Variants in COL11A1 observed in about 807,000 individuals in gnomAD.
The protein encoded by COL11A1 is collagen alpha-1(XI) chain.
In COL11A1, 74 loss-of-function variants were observed where a neutral mutation model predicts 265.2. The ratio of observed to expected loss-of-function variants is 0.28; its 90% CI spans 0.23 to 0.34. The LOEUF is 0.34. Ranked by LOEUF, COL11A1 falls within the 10% of genes least tolerant of loss-of-function variation. COL11A1 has a pLI of 1.00. For missense variants in COL11A1, 2,165 were observed against 2,263.6 expected (o/e 0.96, Z 0.88); for synonymous variants, 816 against 727.6 (o/e 1.12, Z -1.96).
At chr1:103,058,647 T>C (rs1375324536) in intron 4 of COL11A1, among the ~76,000 whole-genome samples, 1 of 152,134 alleles carries the variant, frequency 6.6e-6, no homozygotes, top group Middle Eastern at 3.2e-3. Context: ...CTAAATGACC[T>C]AATTTCAATA....
intron 49 of COL11A1, among the ~76,000 whole-genome samples, chr1:102,918,637 G>A (rs569764285): frequency 2.0e-4 from 30 of 151,022 alleles, no homozygotes; most frequent in Non-Finnish European, 7.4e-5. Flanking sequence ...TGCTTCTATC[G>A]TGCTGTCACA....
rs1674874840 is a variant in COL11A1, at chr1:103,108,288, G to A, written c.-110C>T. 3.7e-6 allele frequency: 3 copies of A among 807,576 alleles called. No individual in the cohort carries two copies. The highest frequency in any genetic ancestry group is 6.4e-6 in the Non-Finnish European group (3 of 467,514). 50.0% of individuals were successfully genotyped at this position (807,576 alleles called of 1,614,324 possible). A position where few individuals can be genotyped will look rare whatever the true frequency, so the allele number is the denominator to read the frequency against. On this transcript the variant is annotated 5_prime_UTR_variant, in exon 1 of 67. Transcript: ENST00000370096. ...GGGATGTTTGCTACACAGCCATTGG[G>A]GAGGGAGAGGGGGAAAAAGTCAAAG...
At chr1:103,069,253 C>T (rs1042633759) in intron 4 of COL11A1, among the ~76,000 whole-genome samples, 2 of 151,654 alleles carry the variant, frequency 1.3e-5, no homozygotes, top group Non-Finnish European at 3.0e-5. Flanking sequence ...AATAGGTGCA[C>T]TAATTGGTAG....
At position 102,947,092 on chromosome 1, in the gene COL11A1, C is replaced by A. The variant is rs1238793053; in HGVS notation, c.3169-136G>T. 4 of 795,074 alleles carry A rather than the reference C, an allele frequency of 5.0e-6. No individual in the cohort carries two copies. The Admixed American group carries it at 9.5e-5, about 19-fold the overall frequency. 49.3% of individuals were successfully genotyped at this position (795,074 alleles called of 1,614,324 possible). A position where few individuals can be genotyped will look rare whatever the true frequency, so the allele number is the denominator to read the frequency against. ...TTTAGAGTTTAGATAATTTTAAGAT[C>A]CCAAAGAGAAACAGTTGAATCCACT... On this transcript the variant is annotated intron_variant, in intron 41 of 66. Transcript: ENST00000370096.
intron 22 of COL11A1, 87 bp from the exon 23 acceptor site, chr1:103,002,568 A>G: frequency 1.6e-6 from 2 of 1,217,574 alleles, no homozygotes; most frequent in Non-Finnish European, 2.4e-6. Flanking sequence ...ACCTCTACCC[A>G]CCCTCAAACA....
chr1:103,008,616 A>T, intron 14 of COL11A1, 100 bp from the exon 15 acceptor site: 1 of 989,670 alleles, frequency 1.0e-6, no homozygotes, highest in Non-Finnish European at 1.6e-6. Context: ...TATTCAAAAT[A>T]TATTTAATCA....
intron 46 of COL11A1, among the ~76,000 whole-genome samples, chr1:102,931,392 G>A (rs1187395464): frequency 1.3e-5 from 2 of 148,786 alleles, no homozygotes; most frequent in Non-Finnish European, 3.0e-5. Context: ...TTTCCATGTA[G>A]TTGAGCGGTT....
intron 21 of COL11A1, 72 bp downstream of exon 21, chr1:103,003,143 G>A (rs1472898455): frequency 2.0e-6 from 3 of 1,481,718 alleles, no homozygotes; most frequent in South Asian, 1.2e-5. Flanking sequence ...TCTACTGAGG[G>A]CTTTTATGGC....
chr1:102,973,093 A>G (rs761054353), intron 36 of COL11A1, among the ~76,000 whole-genome samples: 4 of 152,088 alleles, frequency 2.6e-5, no homozygotes, highest in Admixed American at 6.6e-5. Flanking sequence ...TCTTCTTTCT[A>G]TATCAAACAG....
intron 4 of COL11A1, among the ~76,000 whole-genome samples, chr1:103,054,579 T>G (rs1462185570): frequency 6.6e-6 from 1 of 151,816 alleles, no homozygotes; most frequent in Non-Finnish European, 1.5e-5. Flanking sequence ...GTTTTGTTGT[T>G]GTTGTTGTTG....
chr1:103,001,149 G>A (rs1046623964), intron 24 of COL11A1: 11 of 397,496 alleles, frequency 2.8e-5, no homozygotes, highest in Admixed American at 1.8e-4. Flanking sequence ...ATATTAACAC[G>A]AGGATTATTT....
chr1:103,012,401 G>T lies in COL11A1; in HGVS notation c.1629+12C>A, dbSNP rs1666207170. 1.4e-5 allele frequency: 22 copies of T among 1,609,362 alleles called. No homozygotes were observed. The highest frequency in any genetic ancestry group is 1.8e-5 in the Non-Finnish European group (21 of 1,176,058). ...AATTTTAACATATATTATCTTTGTT[G>T]GGGTAACCTACCACAGGACCTGGTC... On this transcript the variant is annotated intron_variant, in intron 14 of 66. Transcript: ENST00000370096.
At chr1:103,094,963 T>C (rs1485090587) in intron 1 of COL11A1, among the ~76,000 whole-genome samples, 3 of 152,048 alleles carry the variant, frequency 2.0e-5, no homozygotes, top group Non-Finnish European at 2.9e-5. Flanking sequence ...AGGGCAATAC[T>C]ACTTTCTAGG....
At chr1:103,002,819 T>C in intron 21 of COL11A1, 28 bp from the exon 22 acceptor site, 1 of 1,604,794 alleles carries the variant, frequency 6.2e-7, no homozygotes, top group Non-Finnish European at 8.5e-7. Context: ...TATTTATGGT[T>C]GTTTATATGT....
At chr1:103,104,821 CTGAG>C (rs1451708755) in intron 1 of COL11A1, among the ~76,000 whole-genome samples, 1 of 152,150 alleles carries the variant, frequency 6.6e-6, no homozygotes, top group Non-Finnish European at 1.5e-5. Flanking sequence ...AGAAGCATAT[CTGAG>C]TTTCTGATTT....
intron 42 of COL11A1, among the ~76,000 whole-genome samples, chr1:102,940,717 T>TA (rs1348651923): frequency 1.3e-5 from 2 of 152,172 alleles, no homozygotes; most frequent in African/African-American, 4.8e-5. Context: ...TCAGATTTCT[T>TA]ACATTTGCAA....
intron 48 of COL11A1, among the ~76,000 whole-genome samples, chr1:102,920,674 G>A (rs769376436): frequency 9.9e-5 from 15 of 152,084 alleles, no homozygotes; most frequent in African/African-American, 1.7e-4. Context: ...GGTTTTAGGC[G>A]GTGATTTTGT....
At chr1:103,070,984 C>T (rs1671539826) in intron 4 of COL11A1, among the ~76,000 whole-genome samples, 1 of 151,856 alleles carries the variant, frequency 6.6e-6, no homozygotes, top group African/African-American at 2.4e-5. Context: ...GTTTGCTAAT[C>T]TTACTTTTTT....
chr1:102,894,694 A>T (rs1269502957), intron 57 of COL11A1, among the ~76,000 whole-genome samples: 1 of 152,186 alleles, frequency 6.6e-6, no homozygotes, highest in Non-Finnish European at 1.5e-5. Context: ...GCAGAGTCCC[A>T]CTTAAAAAAA....
Sources: gnomAD v4.1 joint callset for allele counts (sites outside exome capture counted in the v4.1 genomes callset) on GRCh38, gnomAD v4.1.1 for gene constraint, MANE v1.5 for transcripts, NCBI Gene and HGNC (gene_info 2026-07-23, HGNC 2026-07-21) for gene names.